CEP72: variants seen among roughly 807,000 people sequenced by gnomAD.
The protein encoded by CEP72 is centrosomal protein of 72 kDa.
In CEP72, 78 loss-of-function variants were observed where a neutral mutation model predicts 65.7. That is an observed-to-expected ratio of 1.19 (90% CI 0.99 to 1.43). CEP72 has a LOEUF of 1.43. Ranked by LOEUF, CEP72 falls within the 40% of genes most tolerant of loss-of-function variation. The pLI is 0.00. For missense variants in CEP72, 914 were observed against 832.9 expected (o/e 1.10, Z -1.20); for synonymous variants, 358 against 351.7 (o/e 1.02, Z -0.20).
At position 627,880 on chromosome 5, in the gene CEP72, T is replaced by C. The variant is rs1022329983; in HGVS notation, c.512+3301T>C. On this transcript the variant is annotated intron_variant, in intron 4 of 11. Transcript: ENST00000264935. ...AAGTCACAAACATCACAGAAACTGA[T>C]GAAAAGAAAGGGAGTAAAAGTCTTC... Among the ~76,000 whole-genome samples, 5 of 152,304 alleles carry C rather than the reference T, an allele frequency of 3.3e-5. No homozygotes were observed. The South Asian group carries it at 1.0e-3, about 32-fold the overall frequency.
intron 4 of CEP72, chr5:666,810 T>C (rs150309428): frequency 1.3e-5 from 2 of 152,256 alleles, no homozygotes; most frequent in Non-Finnish European, 2.9e-5. Context: ...CTAAACTGAC[T>C]CTTGGTTTTT....
chr5:640,736 C>G (rs1737958425), intron 9 of CEP72, 132 bp downstream of exon 9: 13 of 1,439,022 alleles, frequency 9.0e-6, no homozygotes, highest in Non-Finnish European at 1.2e-5. Flanking sequence ...TGTCTCCACT[C>G]CCTGCCCGGG....
rs11350475 is a variant in CEP72 at position 614,444 on chromosome 5, A to ATT, written c.82+2022_82+2023dup. On this transcript the variant is annotated intron_variant, in intron 1 of 11. Transcript: ENST00000264935. Reference sequence around the variant, plus strand: ...TCGATACTTCCTGTTTGACCTGTGAATTTTTTTTTTTTTTTTTTTTTTGAG... The same window carrying ATT: ...TCGATACTTCCTGTTTGACCTGTGAATTTTTTTTTTTTTTTTTTTTTTTTGAG... Among the ~76,000 whole-genome samples the ATT allele has an allele frequency of 5.6e-3, 522 of 93,796 alleles. 4 individuals are homozygous for ATT. The highest frequency in any genetic ancestry group is 0.019 in the African/African-American group (459 of 23,668). The allele number at this position is 93,796 out of a possible 152,430, so 61.5% of individuals were successfully genotyped here. A position where few individuals can be genotyped will look rare whatever the true frequency, so the allele number is the denominator to read the frequency against.
chr5:665,057 C>T, intron 2 of CEP72: 1 of 1,580,028 alleles, frequency 6.3e-7, no homozygotes, highest in Admixed American at 1.7e-5. Context: ...TGACAGAGTC[C>T]CTGCTCTGGG....
chr5:651,573 C>T (rs914863140), intron 11 of CEP72, among the ~76,000 whole-genome samples: 1 of 151,948 alleles, frequency 6.6e-6, no homozygotes, highest in Non-Finnish European at 1.5e-5. Flanking sequence ...CACCTTTACT[C>T]CCTGGCTATA....
intron 5 of CEP72, among the ~76,000 whole-genome samples, chr5:635,085 C>T (rs1737496132): frequency 6.7e-6 from 1 of 149,270 alleles, no homozygotes; most frequent in South Asian, 2.1e-4. Flanking sequence ...ACTGTCTGGA[C>T]TCTCTCTTCT....
At chr5:670,841 A>ATAAG (rs1740195794), downstream of CEP72, among the ~76,000 whole-genome samples, 1 of 152,160 alleles carries the variant, frequency 6.6e-6, no homozygotes, top group Non-Finnish European at 1.5e-5. Flanking sequence ...TTCTCCCCTC[A>ATAAG]TAAGTGACTC....
chr5:624,355 T>C lies in CEP72; in HGVS notation c.404-116T>C, dbSNP rs1736595104. The stretch of plus-strand genomic sequence containing the variant: ...GCCCAGCATTCCGGTGCTAGGTTAG[T>C]GGGAGCAGGGCTGGCCCCGAGGGGA... On this transcript the variant is annotated intron_variant, in intron 3 of 11. Transcript: ENST00000264935. This position sits in a 1 kb window ranked among gnomAD's most constrained non-coding sequence, Gnocchi z 4.7. 1.5e-6 allele frequency: 1 copy of C among 685,284 alleles called. No individual in the cohort carries two copies. The allele number at this position is 685,284 out of a possible 1,614,324, so 42.5% of individuals were successfully genotyped here.
At chr5:651,505 C>T (rs543708670) in intron 11 of CEP72, among the ~76,000 whole-genome samples, 2 of 151,936 alleles carry the variant, frequency 1.3e-5, no homozygotes, top group African/African-American at 2.4e-5. Context: ...GGCGGTAGTC[C>T]GGCAGCTGTG....
Sources: gnomAD v4.1 joint callset for allele counts (sites outside exome capture counted in the v4.1 genomes callset) on GRCh38, gnomAD v4.1.1 for gene constraint, Gnocchi (gnomAD v3.1) non-coding constraint, MANE v1.5 for transcripts, NCBI Gene and HGNC (gene_info 2026-07-23, HGNC 2026-07-21) for gene names.